PGAP4: variants seen among roughly 807,000 people sequenced by gnomAD.
PGAP4 encodes GPI-N-acetylgalactosamine transferase PGAP4.
PGAP4 carries 12 observed loss-of-function variants against 28.2 expected under a neutral mutation model. That is an observed-to-expected ratio of 0.42 (90% confidence interval 0.27 to 0.69). PGAP4 has a LOEUF of 0.69. Ranked by LOEUF, PGAP4 falls within the 30% of genes least tolerant of loss-of-function variation. PGAP4 has a pLI of 0.22. For synonymous variants in PGAP4, 205 were observed against 211.8 expected, an observed-to-expected ratio of 0.97 and a Z score of 0.28; for missense variants, 425 against 513.5, an observed-to-expected ratio of 0.83 and a Z score of 1.67.
chr9:101,489,854 C>A (rs902444144), upstream of PGAP4, among the ~76,000 whole-genome samples: 7 of 152,056 alleles, frequency 4.6e-5, no homozygotes, highest in African/African-American at 1.7e-4. Context: ...TTGAACAAAC[C>A]TTTTGGGACA....
At chr9:101,493,131 G>A (rs1179103481) in intron 2 of PGAP4, among the ~76,000 whole-genome samples, 7 of 151,554 alleles carry the variant, frequency 4.6e-5, no homozygotes, top group Admixed American at 6.6e-5. Flanking sequence ...GCAGGCGCTC[G>A]TAGTCCCAGC....
intron 1 of PGAP4, among the ~76,000 whole-genome samples, chr9:101,479,669 C>T (rs139402477): frequency 6.6e-6 from 1 of 152,172 alleles, no homozygotes; most frequent in African/African-American, 2.4e-5. Context: ...ACACATGGTC[C>T]CTACCTATAT....
At chr9:101,480,396 T>G (rs966841088) in intron 1 of PGAP4, among the ~76,000 whole-genome samples, 1 of 149,814 alleles carries the variant, frequency 6.7e-6, no homozygotes, top group African/African-American at 2.4e-5. Context: ...TTAACATTGC[T>G]GGTTTTGTGG....
intron 2 of PGAP4, among the ~76,000 whole-genome samples, chr9:101,495,673 A>T (rs1826740723): frequency 6.7e-6 from 1 of 150,318 alleles, no homozygotes; most frequent in Non-Finnish European, 1.5e-5. Context: ...AGACTTAAAA[A>T]AATAGAGTTT....
At chr9:101,484,092 C>T (rs577246456) in intron 1 of PGAP4, among the ~76,000 whole-genome samples, 1 of 152,120 alleles carries the variant, frequency 6.6e-6, no homozygotes, top group Non-Finnish European at 1.5e-5. Flanking sequence ...ACATAACGAT[C>T]CTACTTCTAG....
chr9:101,527,527 A>G (rs1827046014), intron 2 of PGAP4, among the ~76,000 whole-genome samples: 1 of 152,196 alleles, frequency 6.6e-6, no homozygotes, highest in Admixed American at 6.5e-5. Context: ...GACTAGACAT[A>G]ATTATGGCCA....
At chr9:101,524,850 G>A (rs1280139481) in intron 2 of PGAP4, among the ~76,000 whole-genome samples, 1 of 152,168 alleles carries the variant, frequency 6.6e-6, no homozygotes, top group African/African-American at 2.4e-5. Context: ...GGAGTAGTCC[G>A]CTTCCTTCAG....
chr9:101,502,902 G>A (rs1168934108), intron 2 of PGAP4, among the ~76,000 whole-genome samples: 1 of 152,026 alleles, frequency 6.6e-6, no homozygotes, highest in East Asian at 1.9e-4. Flanking sequence ...ATGGGGAATG[G>A]AGGTGAGTGA....
At position 101,475,852 on chromosome 9, in the gene PGAP4, C is replaced by T; in HGVS notation, c.*29G>A. 1 of 1,588,500 alleles carries T rather than the reference C, an allele frequency of 6.3e-7. No individual in the cohort carries two copies. The highest frequency in any genetic ancestry group is 8.6e-7 in the Non-Finnish European group (1 of 1,167,452). ...AAATATTTGAATCTTCAAGAAGTGG[C>T]CAACTTCAGAAAGGCATCTCTTGGC... On this transcript the variant is annotated 3_prime_UTR_variant, in exon 2 of 2. Coordinates refer to ENST00000374848, the MANE Select transcript of PGAP4 (RefSeq NM_032342.3).
intron 2 of PGAP4, among the ~76,000 whole-genome samples, chr9:101,508,311 T>A (rs1278812129): frequency 6.6e-6 from 1 of 152,156 alleles, no homozygotes; most frequent in Admixed American, 6.6e-5. Flanking sequence ...AAAACCAGTC[T>A]GACTGACAGT....
chr9:101,504,034 CCA>C (rs1252088124), intron 2 of PGAP4, among the ~76,000 whole-genome samples: 2 of 150,934 alleles, frequency 1.3e-5, no homozygotes, highest in Non-Finnish European at 3.0e-5. Context: ...CCCCAAAAGG[CCA>C]GTTTTTTTTC....
chr9:101,518,239 A>G (rs1278249999), intron 2 of PGAP4, among the ~76,000 whole-genome samples: 2 of 152,258 alleles, frequency 1.3e-5, no homozygotes, highest in East Asian at 1.9e-4. Flanking sequence ...GCTTCATCAT[A>G]TTCCATAGTG....
intron 2 of PGAP4, among the ~76,000 whole-genome samples, chr9:101,495,900 A>T (rs1054618777): frequency 6.6e-6 from 1 of 151,356 alleles, no homozygotes; most frequent in Non-Finnish European, 1.5e-5. Flanking sequence ...TCCTTATGTG[A>T]AGCTCATTTA....
intron 2 of PGAP4, among the ~76,000 whole-genome samples, chr9:101,528,410 C>T (rs939198688): frequency 6.6e-6 from 1 of 152,214 alleles, no homozygotes; most frequent in East Asian, 1.9e-4. Context: ...TTGACAAATG[C>T]CCTCAGCTGA....
At chr9:101,478,689 C>A (rs1026883687) in intron 1 of PGAP4, among the ~76,000 whole-genome samples, 3 of 152,278 alleles carry the variant, frequency 2.0e-5, no homozygotes, top group African/African-American at 7.2e-5. Flanking sequence ...GAATGGAGAG[C>A]CCTGGTGGAT....
intron 2 of PGAP4, chr9:101,501,731 C>A: frequency 1.9e-6 from 1 of 519,202 alleles, no homozygotes; most frequent in East Asian, 5.5e-5. Context: ...CAGTTTGTTC[C>A]AGGGCTCTGG....
chr9:101,512,929 T>C (rs1826909730), intron 2 of PGAP4, among the ~76,000 whole-genome samples: 1 of 152,194 alleles, frequency 6.6e-6, no homozygotes, highest in African/African-American at 2.4e-5. Flanking sequence ...TTGACTCACC[T>C]TTTTAGGAAG....
At chr9:101,477,612 T>C (rs983342934) in intron 1 of PGAP4, among the ~76,000 whole-genome samples, 1 of 152,214 alleles carries the variant, frequency 6.6e-6, no homozygotes, top group Non-Finnish European at 1.5e-5. Flanking sequence ...AGAAAATACT[T>C]GTTGATTAAC....
At chr9:101,489,211 C>G (rs1826662929), upstream of PGAP4, 1 of 151,574 alleles carries the variant, frequency 6.6e-6, no homozygotes, top group Non-Finnish European at 1.5e-5. Flanking sequence ...CTTCTCAAAG[C>G]AAAGCAAAAA....
Sources: gnomAD v4.1 joint callset for allele counts (sites outside exome capture counted in the v4.1 genomes callset) on GRCh38, gnomAD v4.1.1 for gene constraint, MANE v1.5 for transcripts, NCBI Gene and HGNC (gene_info 2026-07-23, HGNC 2026-07-21) for gene names.